RECQL5: variants seen among roughly 807,000 people sequenced by gnomAD.
The protein encoded by RECQL5 is ATP-dependent DNA helicase Q5.
In RECQL5, 88 loss-of-function variants were observed where a neutral mutation model predicts 103.4. The ratio of observed to expected loss-of-function variants is 0.85; its 90% CI spans 0.72 to 1.02. The LOEUF is 1.02. RECQL5 is among the 50% of genes least tolerant of loss of function. The probability of loss-of-function intolerance (pLI) is 0.00; values close to 1 mark genes in which losing one functional copy is unlikely to be tolerated. For missense variants in RECQL5, 1,232 were observed against 1,284.3 expected (o/e 0.96, Z 0.62); for synonymous variants, 552 against 507.9 (o/e 1.09, Z -1.17).
chr17:75,666,088 C>T (rs988598620), intron 2 of RECQL5, among the ~76,000 whole-genome samples: 1 of 152,138 alleles, frequency 6.6e-6, no homozygotes, highest in African/African-American at 2.4e-5. Context: ...ATGTGTAAAT[C>T]TAGCTATGAA....
rs2059798613 is a variant in RECQL5, at chr17:75,667,120, A to C, written c.-91T>G. 9 of 516,242 alleles carry C rather than the reference A, an allele frequency of 1.7e-5. No individual in the cohort carries two copies. Among genetic ancestry groups the C allele is most frequent in the South Asian group, 1.3e-4 (6 of 47,506 alleles). 32.0% of individuals were successfully genotyped at this position (516,242 alleles called of 1,614,324 possible). ...AACTGTTCGAAGACCCCTATACACA[A>C]CCCCAACTCAGAGAAGCCAAAGCGC... On this transcript the variant is annotated 5_prime_UTR_variant, in exon 1 of 20. Transcript: ENST00000317905.
At position 75,662,541 on chromosome 17, in the gene RECQL5, C is replaced by T. The variant is rs377278442; in HGVS notation, c.709G>A (p.Asp237Asn). Residue 237 changes from aspartate (D) to asparagine (N), a missense_variant, in exon 4 of 20, where the codon GAT (aspartate) becomes AAT (asparagine). Coordinates refer to ENST00000317905, the MANE Select transcript of RECQL5 (RefSeq NM_004259.7). The part of the protein sequence containing the change: ...YDVQFKELIS[D>N]PYGNLKDFCL... ...AAGTCCTTCAGGTTCCCATAGGGAT[C>T]AGAAATCAGTTCCTTGAATTGCACA... The T allele has an allele frequency of 6.2e-6, 10 of 1,614,064 alleles. 1 individual carries two copies. The highest frequency in any genetic ancestry group is 8.5e-6 in the Non-Finnish European group (10 of 1,180,040).
Position 75,629,006 on chromosome 17 carries a change from C to G in RECQL5, c.2417G>C (p.Gly806Ala), listed in dbSNP as rs1568254588. ...GPPMAPEKYT[G>A]EEDGAGGHSP... ...ATGTCCCCCGGCTCCATCTTCCTCC[C>G]CTGTGTACTTCTCTGGGGCCATCGG... The change falls in exon 16 of 20, where the codon GGG (glycine) becomes GCG (alanine). Residue 806 changes from glycine to alanine, a missense_variant. Physicochemically the swap from Gly to Ala is moderately conservative, Grantham distance 60 (BLOSUM62 0). Coordinates refer to ENST00000317905, the MANE Select transcript of RECQL5 (RefSeq NM_004259.7). The G allele has an allele frequency of 6.4e-7, 1 of 1,573,764 alleles. No homozygotes were observed. The highest frequency in any genetic ancestry group is 8.6e-7 in the Non-Finnish European group (1 of 1,162,060).
Position 75,629,453 on chromosome 17 carries a change from G to C in RECQL5, c.1970C>G (p.Ala657Gly). The change falls in exon 16 of 20, where the codon GCT becomes GGT. Residue 657 changes from alanine (A) to glycine (G), a missense_variant. By Grantham distance (60) the Ala-to-Gly change is moderately conservative. Transcript: ENST00000317905. Reference protein sequence around the residue: ...VYSLKPKRVGAGFPKGSCPFQ... With the variant: ...VYSLKPKRVGGGFPKGSCPFQ... Reference sequence around the variant, plus strand: ...CGGGCAGGAGCCTTTGGGGAAACCAGCTCCCACCCGCTTGGGTTTGAGCTG... The same window carrying C: ...CGGGCAGGAGCCTTTGGGGAAACCACCTCCCACCCGCTTGGGTTTGAGCTG... 1 of 1,503,438 alleles carries C rather than the reference G, an allele frequency of 6.7e-7. No individual in the cohort carries two copies. Among genetic ancestry groups the C allele is most frequent in the Non-Finnish European group, 8.9e-7 (1 of 1,126,850 alleles). The allele number at this position is 1,503,438 out of a possible 1,614,324, so 93.1% of individuals were successfully genotyped here.
chr17:75,655,896 G>A (rs1008768285), intron 7 of RECQL5, among the ~76,000 whole-genome samples: 8 of 150,662 alleles, frequency 5.3e-5, no homozygotes, highest in Admixed American at 1.3e-4. Context: ...TGGGCCGGAT[G>A]GTCCTGAACT....
At chr17:75,639,982 C>T in intron 8 of RECQL5, 1 of 591,918 alleles carries the variant, frequency 1.7e-6, no homozygotes, top group Non-Finnish European at 2.8e-6. Context: ...TTCCTCCACC[C>T]TGAGCTGTGT....
At chr17:75,660,528 T>A (rs1294627772) in intron 6 of RECQL5, among the ~76,000 whole-genome samples, 1 of 152,248 alleles carries the variant, frequency 6.6e-6, no homozygotes, top group East Asian at 1.9e-4. Context: ...TAGGCAACTG[T>A]AATGCAAATC....
intron 7 of RECQL5, among the ~76,000 whole-genome samples, chr17:75,657,747 TAA>T (rs35049816): frequency 4.9e-4 from 55 of 112,146 alleles, no homozygotes; most frequent in African/African-American, 5.0e-4. Context: ...CCTTGTCTCT[TAA>T]AAAAAAAAAA....
At chr17:75,629,557 T>C in intron 15 of RECQL5, 82 bp from the exon 16 acceptor site, 7 of 1,497,546 alleles carry the variant, frequency 4.7e-6, no homozygotes, top group African/African-American at 1.4e-5. Context: ...GTAACTCACA[T>C]TGGGACGGGG....
Position 75,666,492 on chromosome 17 carries a change from C to T in RECQL5, c.66G>A (p.Lys22=), listed in dbSNP as rs570464439. 6 of 1,614,116 alleles carry T rather than the reference C, an allele frequency of 3.7e-6. No individual in the cohort carries two copies. The African/African-American group carries it at 8.0e-5, about 22-fold the overall frequency. The change falls in exon 2 of 20, where the codon AAG becomes AAA. Residue 22 remains lysine, a synonymous_variant. Transcript: ENST00000317905. ...PERRVRSTLK[K]VFGFDSFKTP... ...TCTTAAAAGAGTCAAACCCAAAGAC[C>T]TTCTTCAGCGTACTCCGGACTCGCC...
In RECQL5 at chr17:75,629,479, TA is replaced by T. The variant is rs1429224680; in HGVS notation, c.1948-5del. The T allele has an allele frequency of 6.7e-7, 1 of 1,501,118 alleles. No individual in the cohort carries two copies. Among genetic ancestry groups the T allele is most frequent in the East Asian group, 2.3e-5 (1 of 43,392 alleles). 93.0% of individuals were successfully genotyped at this position (1,501,118 alleles called of 1,614,324 possible). ...CTCCCACCCGCTTGGGTTTGAGCTG[TA>T]AATGTGAGCAGGAGGAGAGGAGGTT... On this transcript the variant is annotated splice_region_variant and splice_polypyrimidine_tract_variant and intron_variant, in intron 15 of 19. Coordinates refer to ENST00000317905, the MANE Select transcript of RECQL5 (RefSeq NM_004259.7).
At chr17:75,650,125 TAAG>T (rs2059536532) in intron 8 of RECQL5, 2 of 986,232 alleles carry the variant, frequency 2.0e-6, no homozygotes, top group Admixed American at 6.1e-5. Context: ...TCAAGAAGCC[TAAG>T]AAGGCCAAAT....
At chr17:75,647,764 G>A (rs2059507104) in intron 8 of RECQL5, 2 of 587,392 alleles carry the variant, frequency 3.4e-6, no homozygotes, top group Admixed American at 3.2e-5. Flanking sequence ...GCTGGTCTGA[G>A]ACCAATTCTG....
At position 75,627,652 on chromosome 17, in the gene RECQL5, A is replaced by G. The variant is rs942517932; in HGVS notation, c.2846T>C (p.Leu949Pro). ...KGFARHLSHL[L>P]TQKTSPGRSV... is the part of the protein sequence containing the mutation. ...CCTTCCAGGAGAGGTCTTCTGAGTC[A>G]GCAAGTGTGAGAGGTGGCGGGCAAA... Residue 949 changes from leucine (L) to proline (P), a missense_variant, in exon 19 of 20, where the codon CTG (leucine) becomes CCG (proline). Transcript: ENST00000317905. The G allele has an allele frequency of 5.6e-6, 9 of 1,612,120 alleles. No homozygotes were observed. In the African/African-American group the frequency reaches 8.0e-5, roughly 14 times the overall value.
At chr17:75,654,176 T>C (rs1386646863) in intron 7 of RECQL5, among the ~76,000 whole-genome samples, 1 of 152,258 alleles carries the variant, frequency 6.6e-6, no homozygotes. Context: ...ATTTCCTTTC[T>C]TGTGTAACTG....
chr17:75,661,369 G>A (rs904379692), intron 5 of RECQL5, among the ~76,000 whole-genome samples: 3 of 152,268 alleles, frequency 2.0e-5, no homozygotes, highest in South Asian at 4.1e-4. Flanking sequence ...TTGTAAAAAC[G>A]TATCACCTGC....
chr17:75,663,146 C>A, intron 3 of RECQL5, 149 bp from the exon 4 acceptor site: 1 of 782,618 alleles, frequency 1.3e-6, no homozygotes, highest in Non-Finnish European at 2.0e-6. Context: ...GGTTGAATAT[C>A]CTTTATCAAA....
At chr17:75,628,164 T>G in intron 18 of RECQL5, 54 bp downstream of exon 18, 2 of 1,188,794 alleles carry the variant, frequency 1.7e-6, no homozygotes, top group African/African-American at 1.5e-5. Flanking sequence ...CCACCCCCAC[T>G]ACACCCACAT....
chr17:75,640,626 C>T lies in RECQL5; in HGVS notation c.1230-8958G>A, dbSNP rs1210676232. On this transcript the variant is annotated intron_variant, in intron 8 of 19. Transcript: ENST00000317905. The surrounding 1 kb of genome is among the most constrained non-coding windows in gnomAD (Gnocchi z 4.6). ...ACATGGAGGAGGTTGGCCCTGGCGG[C>T]TGGCATGGGGACCGTCCGCACCTCT... is the stretch of plus-strand genomic sequence containing the variant. Among the ~76,000 whole-genome samples, 1 of 152,134 alleles carries T rather than the reference C, an allele frequency of 6.6e-6. No individual in the cohort carries two copies. The highest frequency in any genetic ancestry group is 1.5e-5 in the Non-Finnish European group (1 of 68,024).
Sources: gnomAD v4.1 joint callset for allele counts (sites outside exome capture counted in the v4.1 genomes callset) on GRCh38, gnomAD v4.1.1 for gene constraint, Gnocchi (gnomAD v3.1) non-coding constraint, MANE v1.5 for transcripts, NCBI Gene and HGNC (gene_info 2026-07-23, HGNC 2026-07-21) for gene names.